PHF14: variants seen among roughly 807,000 people sequenced by gnomAD.
The protein encoded by PHF14 is PHD finger protein 14.
A neutral mutation model predicts 117.9 loss-of-function variants in PHF14; 55 were observed. The observed-to-expected ratio is 0.47, with a 90% confidence interval of 0.38 to 0.58. PHF14 has a LOEUF of 0.58. Ranked by LOEUF, PHF14 falls within the 20% of genes least tolerant of loss-of-function variation. The pLI, the probability that PHF14 is intolerant of heterozygous loss-of-function variation, is 0.00. For missense variants in PHF14, 978 were observed against 1,122.2 expected (o/e 0.87, Z 1.84); for synonymous variants, 409 against 368.6 (o/e 1.11, Z -1.26).
intron 2 of PHF14, 77 bp from the exon 3 acceptor site, chr7:10,982,295 A>C (rs1474027812): frequency 1.3e-5 from 13 of 1,001,368 alleles, no homozygotes; most frequent in Non-Finnish European, 1.7e-5. Flanking sequence ...TGGTGGTTTC[A>C]TTTGTGTCAG....
chr7:11,025,373 G>C (rs1433803282), intron 6 of PHF14, among the ~76,000 whole-genome samples: 1 of 152,180 alleles, frequency 6.6e-6, no homozygotes, highest in Admixed American at 6.5e-5. Flanking sequence ...GGGTTTGAGA[G>C]GATTGACTCC....
chr7:11,110,947 ATATCC>A, intron 16 of PHF14: 1 of 153,088 alleles, frequency 6.5e-6, no homozygotes, highest in African/African-American at 2.4e-5. Flanking sequence ...TATTGAATTC[ATATCC>A]TGGAATTATA....
intron 5 of PHF14, among the ~76,000 whole-genome samples, chr7:11,020,261 G>A (rs1487179569): frequency 1.3e-5 from 2 of 151,992 alleles, no homozygotes; most frequent in Non-Finnish European, 2.9e-5. Flanking sequence ...GCTAATGTTT[G>A]TATTTTTCTG....
At chr7:11,001,203 A>G (rs563633583) in intron 4 of PHF14, among the ~76,000 whole-genome samples, 7 of 152,208 alleles carry the variant, frequency 4.6e-5, no homozygotes, top group East Asian at 1.9e-4. Context: ...TCAGTTGACT[A>G]TATTTCTTTG....
At chr7:11,160,639 A>G (rs1788995378) in intron 17 of PHF14, among the ~76,000 whole-genome samples, 1 of 152,050 alleles carries the variant, frequency 6.6e-6, no homozygotes, top group Admixed American at 6.6e-5. Context: ...AAGAGATAAT[A>G]TCTTTTTGAT....
chr7:11,053,592 T>G (rs2128327280), intron 14 of PHF14, among the ~76,000 whole-genome samples: 1 of 152,186 alleles, frequency 6.6e-6, no homozygotes, highest in South Asian at 2.1e-4. Flanking sequence ...GATTATCCTC[T>G]TATGAAACAT....
At chr7:11,144,108 A>G (rs1344507088) in intron 17 of PHF14, among the ~76,000 whole-genome samples, 2 of 152,146 alleles carry the variant, frequency 1.3e-5, no homozygotes, top group East Asian at 1.9e-4. Flanking sequence ...CAATAAGTAT[A>G]TGAAAAAATG....
chr7:11,153,008 C>G (rs1219711086), intron 17 of PHF14, among the ~76,000 whole-genome samples: 1 of 152,136 alleles, frequency 6.6e-6, no homozygotes, highest in Admixed American at 6.5e-5. Flanking sequence ...GATGTACTTT[C>G]TAGGTCATGG....
chr7:11,104,903 T>C (rs1388749925), intron 16 of PHF14: 8 of 978,140 alleles, frequency 8.2e-6, no homozygotes, highest in Non-Finnish European at 9.7e-6. Context: ...TGTGTTGTGC[T>C]TAACATTGAT....
chr7:11,052,287 G>C (rs1001276789), intron 14 of PHF14, among the ~76,000 whole-genome samples: 10 of 152,098 alleles, frequency 6.6e-5, no homozygotes, highest in Non-Finnish European at 1.2e-4. Context: ...ATGTTGATTT[G>C]ATTCAGACAT....
At chr7:10,982,095 A>G (rs1782062221) in intron 2 of PHF14, among the ~76,000 whole-genome samples, 1 of 152,200 alleles carries the variant, frequency 6.6e-6, no homozygotes, top group Non-Finnish European at 1.5e-5. Context: ...TTGCCATATG[A>G]CACAAATTAG....
intron 17 of PHF14, among the ~76,000 whole-genome samples, chr7:11,119,100 C>T (rs753253711): frequency 2.6e-5 from 4 of 151,766 alleles, no homozygotes; most frequent in African/African-American, 9.7e-5. Context: ...ACATAGCATG[C>T]TGTGGAATAC....
At chr7:11,085,140 A>G (rs970861632) in intron 16 of PHF14, among the ~76,000 whole-genome samples, 2 of 152,306 alleles carry the variant, frequency 1.3e-5, no homozygotes, top group Middle Eastern at 3.4e-3. Flanking sequence ...TTATTTAGGC[A>G]GGAAATGCAA....
chr7:11,071,455 T>C (rs574344441), intron 16 of PHF14, among the ~76,000 whole-genome samples: 254 of 152,310 alleles, frequency 1.7e-3, no homozygotes, highest in Non-Finnish European at 2.5e-3. Flanking sequence ...AGAAAATAAG[T>C]CAGTTTAAAA....
At position 11,122,039 on chromosome 7, in the gene PHF14, G is replaced by A. The variant is rs547991889; in HGVS notation, c.2772+10572G>A. 8.8e-4 allele frequency among the ~76,000 whole-genome samples: 134 copies of A among 151,476 alleles called. 1 individual carries two copies. Among genetic ancestry groups the A allele is most frequent in the Non-Finnish European group, 1.6e-3 (110 of 67,886 alleles). ...CCCTACCCCCCGACAGGCCTCTGGT[G>A]TGTGTTGCTTCTCTCCCTGTGTCCA... is the stretch of plus-strand genomic sequence containing the variant. On this transcript the variant is annotated intron_variant, in intron 17 of 17. Transcript: ENST00000634607.
intron 14 of PHF14, among the ~76,000 whole-genome samples, chr7:11,058,749 C>A (rs1343216664): frequency 6.6e-6 from 1 of 152,116 alleles, no homozygotes; most frequent in South Asian, 2.1e-4. Flanking sequence ...TGATTTAGCT[C>A]ATTTCTATTT....
intron 3 of PHF14, 54 bp from the exon 4 acceptor site, chr7:10,990,649 T>G (rs1263400538): frequency 1.8e-6 from 2 of 1,118,294 alleles, no homozygotes; most frequent in Non-Finnish European, 2.5e-6. Flanking sequence ...GTGATTAAGT[T>G]TTTTTTTTAC....
chr7:11,013,741 T>C lies in PHF14; in HGVS notation c.1046-6T>C. 1 of 1,503,990 alleles carries C rather than the reference T, an allele frequency of 6.6e-7. No individual in the cohort carries two copies. Among genetic ancestry groups the C allele is most frequent in the Non-Finnish European group, 9.0e-7 (1 of 1,107,692 alleles). The allele number at this position is 1,503,990 out of a possible 1,614,324, so 93.2% of individuals were successfully genotyped here. On this transcript the variant is annotated splice_polypyrimidine_tract_variant and splice_region_variant and intron_variant, in intron 4 of 17. Transcript: ENST00000634607. ...TATTTAATCATAGTGTTTTTGTTTT[T>C]TTTAGGTTGTTATGGAGTTGATGGA...
intron 16 of PHF14, among the ~76,000 whole-genome samples, chr7:11,089,583 A>T (rs1369888616): frequency 6.6e-6 from 1 of 152,170 alleles, no homozygotes; most frequent in Non-Finnish European, 1.5e-5. Flanking sequence ...GAACTCTGGA[A>T]ATATTTTTTA....
Sources: allele counts gnomAD v4.1 joint callset (sites outside exome capture counted in the v4.1 genomes callset), GRCh38; gene constraint gnomAD v4.1.1; transcripts MANE v1.5; gene names NCBI Gene and HGNC (gene_info 2026-07-23, HGNC 2026-07-21).